Variants in FGGY observed in about 807,000 individuals in gnomAD.
FGGY encodes the protein FGGY carbohydrate kinase domain containing, also known as FGGY carbohydrate kinase domain-containing protein.
In FGGY, 72 loss-of-function variants were observed where a neutral mutation model predicts 71.3. The ratio of observed to expected loss-of-function variants is 1.01; its 90% CI spans 0.84 to 1.23. The LOEUF (loss-of-function observed/expected upper bound fraction) is 1.23, where lower values mean the gene tolerates loss of function less well. FGGY is among the 50% of genes most tolerant of loss of function. The probability of loss-of-function intolerance (pLI) is 0.00; values close to 1 mark genes in which losing one functional copy is unlikely to be tolerated. For synonymous variants in FGGY, 251 were observed against 250.3 expected, an observed-to-expected ratio of 1.00 and a Z score of -0.02; for missense variants, 668 against 682.3, an observed-to-expected ratio of 0.98 and a Z score of 0.23.
intron 4 of FGGY, among the ~76,000 whole-genome samples, chr1:59,368,814 G>A (rs1246825645): frequency 6.6e-6 from 1 of 152,130 alleles, no homozygotes; most frequent in Non-Finnish European, 1.5e-5. Flanking sequence ...GCATGTGGCT[G>A]GGCATGGTGG....
chr1:59,457,332 T>G (rs1174959345), intron 6 of FGGY, among the ~76,000 whole-genome samples: 1 of 152,164 alleles, frequency 6.6e-6, no homozygotes, highest in Non-Finnish European at 1.5e-5. Context: ...GAAATTGCGC[T>G]GGGCATGGTG....
chr1:59,683,481 T>TC lies in FGGY; in HGVS notation c.1512+9354dup, dbSNP rs558804680. Among the ~76,000 whole-genome samples the TC allele has an allele frequency of 9.2e-5, 14 of 152,148 alleles. No individual in the cohort carries two copies. In the South Asian group the frequency reaches 2.7e-3, roughly 29 times the overall value. On this transcript the variant is annotated intron_variant, in intron 14 of 15. Coordinates refer to ENST00000303721, the MANE Select transcript of FGGY (RefSeq NM_018291.5). ...TTCCTGGGAATAGATAAAACCCAGC[T>TC]CCCCCCAAATCAGATGGCACTGTTT... is the stretch of plus-strand genomic sequence containing the variant.
chr1:59,496,501 G>C (rs1372901771), intron 6 of FGGY, among the ~76,000 whole-genome samples: 1 of 152,106 alleles, frequency 6.6e-6, no homozygotes, highest in Non-Finnish European at 1.5e-5. Context: ...ACAAAGGAGA[G>C]AACAGTAGAC....
intron 11 of FGGY, among the ~76,000 whole-genome samples, chr1:59,644,966 G>C (rs948220826): frequency 6.7e-6 from 1 of 148,298 alleles, no homozygotes; most frequent in African/African-American, 2.6e-5. Context: ...AGACAGCGAG[G>C]CTCCATCTCA....
chr1:59,643,047 A>G lies in FGGY; in HGVS notation c.1221+4672A>G, dbSNP rs141118581. On this transcript the variant is annotated intron_variant, in intron 11 of 15. Transcript: ENST00000303721. ...GAGACTCCATCTCAAAAAAAAAAAAAAAAAGAAAAACCATTACATACAAAG... is the reference window on the plus strand; with the variant it reads ...GAGACTCCATCTCAAAAAAAAAAAAGAAAAGAAAAACCATTACATACAAAG... 1.5e-3 allele frequency among the ~76,000 whole-genome samples: 227 copies of G among 152,040 alleles called. 3 individuals are homozygous for G. The East Asian group carries it at 0.034, about 23-fold the overall frequency.
At chr1:59,456,623 T>G (rs760474102) in intron 5 of FGGY, among the ~76,000 whole-genome samples, 16 of 152,098 alleles carry the variant, frequency 1.1e-4, no homozygotes, top group Non-Finnish European at 1.9e-4. Flanking sequence ...TAATTTTGTA[T>G]TTTTAGTAGA....
intron 4 of FGGY, among the ~76,000 whole-genome samples, chr1:59,374,802 G>A (rs1158551610): frequency 2.0e-4 from 30 of 150,600 alleles, no homozygotes; most frequent in Admixed American, 8.0e-4. Context: ...GTAAACTATC[G>A]CAAGAACAAA....
intron 4 of FGGY, among the ~76,000 whole-genome samples, chr1:59,374,239 T>A (rs1052551498): frequency 1.3e-5 from 2 of 151,902 alleles, no homozygotes; most frequent in Non-Finnish European, 2.9e-5. Flanking sequence ...AAAAAGTGGG[T>A]GCAGGACATG....
chr1:59,305,876 ATTC>A (rs2043363433), intron 1 of FGGY, among the ~76,000 whole-genome samples: 3 of 152,166 alleles, frequency 2.0e-5, no homozygotes, highest in South Asian at 2.1e-4. Context: ...ATTCTCTGGC[ATTC>A]TTCTTCTGTG....
At chr1:59,414,362 A>G (rs2064042404) in intron 5 of FGGY, among the ~76,000 whole-genome samples, 1 of 152,164 alleles carries the variant, frequency 6.6e-6, no homozygotes, top group Non-Finnish European at 1.5e-5. Flanking sequence ...CATTTGGGGT[A>G]TCTAGATGAG....
chr1:59,627,489 T>TATATATATATATATATACAC (rs1469493501), intron 10 of FGGY, among the ~76,000 whole-genome samples: 17 of 92,770 alleles, frequency 1.8e-4, no homozygotes, highest in South Asian at 3.8e-4. Context: ...TATATATATA[T>TATATATATATATATATACAC]ACACACACAC....
rs552631982 is a variant in FGGY, at chr1:59,587,902, A to G, written c.904-19901A>G. Among the ~76,000 whole-genome samples, 746 of 152,350 alleles carry G rather than the reference A, an allele frequency of 4.9e-3. 8 individuals carry two copies. The highest frequency in any genetic ancestry group is 0.017 in the African/African-American group (707 of 41,600). On this transcript the variant is annotated intron_variant, in intron 8 of 15. Transcript: ENST00000303721. The stretch of plus-strand genomic sequence containing the variant: ...AAAAGCAGAGCACCTCTCCTCCTCC[A>G]AAGGATCGCAGTTCCTCACCAGCAA...
intron 14 of FGGY, among the ~76,000 whole-genome samples, chr1:59,731,331 C>T (rs551227913): frequency 5.6e-4 from 86 of 152,254 alleles, no homozygotes; most frequent in African/African-American, 2.0e-3. Flanking sequence ...CAGACTTTCC[C>T]GGAATACTTC....
chr1:59,399,632 T>G (rs1456769504), intron 5 of FGGY, among the ~76,000 whole-genome samples: 1 of 152,206 alleles, frequency 6.6e-6, no homozygotes, highest in Non-Finnish European at 1.5e-5. Flanking sequence ...TAGCACTTAC[T>G]GTGCATTCTT....
chr1:59,319,478 A>C (rs2046002871), intron 1 of FGGY, among the ~76,000 whole-genome samples: 1 of 152,228 alleles, frequency 6.6e-6, no homozygotes, highest in Admixed American at 6.5e-5. Flanking sequence ...GTTTTAAAAG[A>C]AAGCAGGGAG....
At chr1:59,334,876 C>T (rs1008389975) in intron 2 of FGGY, among the ~76,000 whole-genome samples, 15 of 152,022 alleles carry the variant, frequency 9.9e-5, no homozygotes, top group African/African-American at 3.4e-4. Context: ...TAGAATTAAT[C>T]GATAAATCTA....
intron 7 of FGGY, among the ~76,000 whole-genome samples, chr1:59,524,061 G>A (rs888498539): frequency 2.6e-5 from 4 of 152,242 alleles, no homozygotes; most frequent in African/African-American, 9.6e-5. Context: ...CAGGGGCCCA[G>A]GAAGCCCCCC....
intron 14 of FGGY, among the ~76,000 whole-genome samples, chr1:59,693,046 G>A (rs747848498): frequency 1.3e-5 from 2 of 152,214 alleles, no homozygotes; most frequent in Non-Finnish European, 2.9e-5. Flanking sequence ...ACTACCAGTA[G>A]TAGGAACTCT....
chr1:59,597,750 C>G (rs528653646), intron 8 of FGGY, among the ~76,000 whole-genome samples: 1 of 152,208 alleles, frequency 6.6e-6, no homozygotes, highest in African/African-American at 2.4e-5. Flanking sequence ...CAGAGACTCT[C>G]GGCTGGAGAC....
Sources: allele counts gnomAD v4.1 joint callset (sites outside exome capture counted in the v4.1 genomes callset), GRCh38; gene constraint gnomAD v4.1.1; transcripts MANE v1.5; gene names NCBI Gene and HGNC (gene_info 2026-07-23, HGNC 2026-07-21).